The following CEP43 variants were observed in gnomAD, a reference collection of about 807,000 sequenced individuals.
CEP43 encodes centrosomal protein 43.
CEP43 carries 36 observed loss-of-function variants against 52.6 expected under a neutral mutation model. The observed-to-expected ratio is 0.68, with a 90% CI of 0.52 to 0.90. CEP43 has a LOEUF of 0.90. Ranked by LOEUF, CEP43 falls within the 40% of genes least tolerant of loss-of-function variation. The pLI is 0.00. For missense variants in CEP43, 506 were observed against 472.8 expected (o/e 1.07, Z -0.65); for synonymous variants, 192 against 172.4 (o/e 1.11, Z -0.89).
In CEP43 at chr6:167,039,896, C is replaced by T; in HGVS notation, c.1126-8C>T. ...ACTTAATTATTTTCTTTCTTTTGAACAACAAAGCTTGATGACCTCACACAA... is the reference window on the plus strand; with the variant it reads ...ACTTAATTATTTTCTTTCTTTTGAATAACAAAGCTTGATGACCTCACACAA... On this transcript the variant is annotated splice_polypyrimidine_tract_variant and splice_region_variant and intron_variant, in intron 12 of 12. Coordinates refer to ENST00000366847, the MANE Select transcript of CEP43 (RefSeq NM_007045.4). 1 of 1,612,594 alleles carries T rather than the reference C, an allele frequency of 6.2e-7. No homozygotes were observed. The highest frequency in any genetic ancestry group is 8.5e-7 in the Non-Finnish European group (1 of 1,179,200).
intron 5 of CEP43, among the ~76,000 whole-genome samples, chr6:167,007,958 T>C (rs1779891732): frequency 6.6e-6 from 1 of 152,240 alleles, no homozygotes; most frequent in African/African-American, 2.4e-5. Context: ...GCTTTCAGTC[T>C]GTCATTCACT....
chr6:167,009,794 C>T (rs1003782215), intron 5 of CEP43, among the ~76,000 whole-genome samples: 2 of 151,792 alleles, frequency 1.3e-5, no homozygotes, highest in African/African-American at 4.8e-5. Context: ...CGAGATCGCA[C>T]CACTGCACTC....
At chr6:167,014,812 A>C (rs2128661256) in intron 7 of CEP43, among the ~76,000 whole-genome samples, 1 of 152,360 alleles carries the variant, frequency 6.6e-6, no homozygotes, top group Admixed American at 6.5e-5. Context: ...CAACACATTT[A>C]ACACAGTTCT....
chr6:167,028,265 G>C, intron 10 of CEP43: 1 of 985,370 alleles, frequency 1.0e-6, no homozygotes, highest in Non-Finnish European at 1.2e-6. Context: ...TTCTGAGTGG[G>C]GAGCTGCCGA....
At chr6:167,038,186 G>T (rs547631895) in intron 12 of CEP43, among the ~76,000 whole-genome samples, 1 of 152,148 alleles carries the variant, frequency 6.6e-6, no homozygotes, top group Non-Finnish European at 1.5e-5. Context: ...TGGTTAATAG[G>T]TTAACTTTCT....
intron 12 of CEP43, chr6:167,036,056 A>G (rs1185835613): frequency 1.0e-6 from 1 of 984,784 alleles, no homozygotes; most frequent in Non-Finnish European, 1.2e-6. Flanking sequence ...ACAGATATAG[A>G]CTTCTTCCCT....
At chr6:167,006,711 A>G (rs1779862451) in intron 5 of CEP43, among the ~76,000 whole-genome samples, 1 of 152,168 alleles carries the variant, frequency 6.6e-6, no homozygotes, top group Non-Finnish European at 1.5e-5. Flanking sequence ...AGAGTCCTAC[A>G]ACCAGTCCCC....
intron 12 of CEP43, among the ~76,000 whole-genome samples, chr6:167,038,128 C>A (rs888924293): frequency 3.5e-4 from 53 of 152,310 alleles, no homozygotes; most frequent in African/African-American, 1.3e-3. Context: ...ATTAATATTT[C>A]CTTTCTCCAT....
chr6:167,004,800 T>TA (rs1218568381), intron 5 of CEP43, among the ~76,000 whole-genome samples: 1 of 152,218 alleles, frequency 6.6e-6, no homozygotes, highest in Non-Finnish European at 1.5e-5. Flanking sequence ...TTATTTTTAT[T>TA]AAAACATCTT....
chr6:167,015,997 C>G (rs887846213), intron 7 of CEP43, among the ~76,000 whole-genome samples: 1 of 151,606 alleles, frequency 6.6e-6, no homozygotes, highest in African/African-American at 2.4e-5. Context: ...TTGCTGACTT[C>G]CAAAGTATCA....
chr6:166,999,955 C>T (rs1022630875), intron 1 of CEP43, 105 bp from the exon 2 acceptor site: 16 of 911,362 alleles, frequency 1.8e-5, no homozygotes, highest in South Asian at 7.2e-5. Flanking sequence ...TTGCACCTGC[C>T]CTCCCAGCTC....
chr6:167,029,503 G>A (rs1192809864), intron 10 of CEP43, among the ~76,000 whole-genome samples: 1 of 152,200 alleles, frequency 6.6e-6, no homozygotes. Flanking sequence ...TGAGCATTAC[G>A]TCCCCACTCA....
rs1780829402 is a variant in CEP43, at chr6:167,048,411, T to G, written c.*8433T>G. On this transcript the variant is annotated 3_prime_UTR_variant, in exon 13 of 13. Coordinates refer to ENST00000366847, the MANE Select transcript of CEP43 (RefSeq NM_007045.4). Reference sequence around the variant, plus strand: ...TAGGCATGATGGCACATGCCTGTGGTCCCAGCTACTCGGGAGGCTGAGGCA... The same window carrying G: ...TAGGCATGATGGCACATGCCTGTGGGCCCAGCTACTCGGGAGGCTGAGGCA... 1 of 152,196 alleles carries G rather than the reference T, an allele frequency of 6.6e-6. No individual in the cohort carries two copies. Among genetic ancestry groups the G allele is most frequent in the African/African-American group, 2.4e-5 (1 of 41,436 alleles). The allele number at this position is 152,196 out of a possible 1,614,324, so 9.4% of individuals were successfully genotyped here. A position where few individuals can be genotyped will look rare whatever the true frequency, so the allele number is the denominator to read the frequency against.
chr6:167,004,662 C>G (rs1335109615), intron 5 of CEP43, among the ~76,000 whole-genome samples: 1 of 56,258 alleles, frequency 1.8e-5, no homozygotes, highest in Non-Finnish European at 3.7e-5. Flanking sequence ...TGGAACAAAT[C>G]CCAACTCCTC....
chr6:167,025,022 A>G (rs1175906854), intron 9 of CEP43, 128 bp downstream of exon 9: 10 of 623,950 alleles, frequency 1.6e-5, no homozygotes, highest in Non-Finnish European at 2.6e-5. Flanking sequence ...TCACTCAGAG[A>G]TATTTCCTGT....
rs1023413459 is a variant in CEP43 at position 167,052,629 on chromosome 6, C to G, written c.*12651C>G. 2 of 152,158 alleles carry G rather than the reference C, an allele frequency of 1.3e-5. No homozygotes were observed. The highest frequency in any genetic ancestry group is 1.3e-4 in the Admixed American group (2 of 15,274). 9.4% of individuals were successfully genotyped at this position (152,158 alleles called of 1,614,324 possible). On this transcript the variant is annotated 3_prime_UTR_variant, in exon 13 of 13. Coordinates refer to ENST00000366847, the MANE Select transcript of CEP43 (RefSeq NM_007045.4). ...ATAGTTTTCATGACAGACTTCATTGCGATAGTCAAATACTGTTCCACTTAC... is the reference window on the plus strand; with the variant it reads ...ATAGTTTTCATGACAGACTTCATTGGGATAGTCAAATACTGTTCCACTTAC...
intron 7 of CEP43, among the ~76,000 whole-genome samples, chr6:167,018,559 T>G (rs1462247292): frequency 1.3e-5 from 2 of 152,056 alleles, no homozygotes; most frequent in Non-Finnish European, 2.9e-5. Context: ...CCCAGCTAAT[T>G]TTTGTATTTT....
intron 10 of CEP43, among the ~76,000 whole-genome samples, chr6:167,029,115 C>A (rs1204599432): frequency 6.6e-6 from 1 of 152,026 alleles, no homozygotes; most frequent in East Asian, 1.9e-4. Context: ...AATGTAAAAG[C>A]CATTCTTAGT....
intron 7 of CEP43, among the ~76,000 whole-genome samples, chr6:167,018,886 C>T (rs927255377): frequency 5.3e-5 from 8 of 152,268 alleles, no homozygotes; most frequent in African/African-American, 1.9e-4. Context: ...CATACGTATA[C>T]AGATGGTCCC....
Sources: allele counts gnomAD v4.1 joint callset (sites outside exome capture counted in the v4.1 genomes callset), GRCh38; gene constraint gnomAD v4.1.1; transcripts MANE v1.5; gene names NCBI Gene and HGNC (gene_info 2026-07-23, HGNC 2026-07-21).